Variants in KCNIP4 observed in about 807,000 individuals in gnomAD.
The protein encoded by KCNIP4 is potassium voltage-gated channel interacting protein 4, also known as Kv channel-interacting protein 4.
A neutral mutation model predicts 34.0 loss-of-function variants in KCNIP4; 12 were observed. The ratio of observed to expected loss-of-function variants is 0.35; its 90% CI spans 0.23 to 0.57. KCNIP4 has a LOEUF of 0.57. Ranked by LOEUF, KCNIP4 falls within the 20% of genes least tolerant of loss-of-function variation. The pLI, the probability that KCNIP4 is intolerant of heterozygous loss-of-function variation, is 0.83. For synonymous variants in KCNIP4, 124 were observed against 102.2 expected (o/e 1.21, Z -1.29); for missense variants, 238 against 311.7 (o/e 0.76, Z 1.78).
intron 1 of KCNIP4, among the ~76,000 whole-genome samples, chr4:21,447,169 T>A (rs1459586858): frequency 1.3e-5 from 2 of 152,188 alleles, no homozygotes; most frequent in Non-Finnish European, 2.9e-5. Context: ...TTTATCTTTA[T>A]CTTTAACAGA....
chr4:21,828,017 TA>T (rs35665027), intron 1 of KCNIP4, among the ~76,000 whole-genome samples: 55,053 of 144,248 alleles, frequency 0.38, 11,239 homozygotes, highest in East Asian at 0.65. Context: ...GAGAGTCATG[TA>T]AAAAAAAAAA....
chr4:21,311,506 T>C (rs1713170462), intron 1 of KCNIP4, among the ~76,000 whole-genome samples: 1 of 152,052 alleles, frequency 6.6e-6, no homozygotes. Flanking sequence ...CTGGCCAACA[T>C]GGTGAAACCC....
At chr4:21,335,462 A>G (rs1480611113) in intron 1 of KCNIP4, among the ~76,000 whole-genome samples, 1 of 152,152 alleles carries the variant, frequency 6.6e-6, no homozygotes, top group East Asian at 1.9e-4. Context: ...AATATTGTCT[A>G]TTGCATGCAG....
intron 1 of KCNIP4, among the ~76,000 whole-genome samples, chr4:21,806,944 T>C (rs1721333324): frequency 1.3e-5 from 2 of 152,078 alleles, no homozygotes; most frequent in South Asian, 4.1e-4. Flanking sequence ...TATTACATTA[T>C]ACTATACGAT....
intron 1 of KCNIP4, among the ~76,000 whole-genome samples, chr4:21,887,608 A>G (rs903168500): frequency 5.9e-5 from 9 of 152,174 alleles, no homozygotes; most frequent in African/African-American, 1.2e-4. Flanking sequence ...TTTCAGACAC[A>G]GAAACTTACG....
At chr4:21,205,491 C>G (rs752914047) in intron 1 of KCNIP4, among the ~76,000 whole-genome samples, 1 of 152,174 alleles carries the variant, frequency 6.6e-6, no homozygotes, top group Non-Finnish European at 1.5e-5. Flanking sequence ...GGCACTGTGA[C>G]TAGACCCGTT....
intron 3 of KCNIP4, among the ~76,000 whole-genome samples, chr4:20,770,523 T>C (rs1444129353): frequency 1.3e-5 from 2 of 151,332 alleles, no homozygotes; most frequent in African/African-American, 4.8e-5. Context: ...AAACACGCAG[T>C]GTTTCAATCA....
chr4:21,255,342 T>C lies in KCNIP4; in HGVS notation c.62-372633A>G, dbSNP rs149527839. 1.4e-3 allele frequency among the ~76,000 whole-genome samples: 217 copies of C among 152,308 alleles called. 1 individual carries two copies. Among genetic ancestry groups the C allele is most frequent in the African/African-American group, 4.9e-3 (203 of 41,568 alleles). On this transcript the variant is annotated intron_variant, in intron 1 of 8. Transcript: ENST00000382152. ...TAAAAGCCGTGTTGCTTCTTCTTTCTTAAATATTATCTTATACCTATCCTT... is the reference window on the plus strand; with the variant it reads ...TAAAAGCCGTGTTGCTTCTTCTTTCCTAAATATTATCTTATACCTATCCTT...
intron 1 of KCNIP4, chr4:21,848,208 G>A (rs1724147331): frequency 6.6e-6 from 1 of 152,194 alleles, no homozygotes; most frequent in Admixed American, 6.5e-5. Context: ...ACCCTGAAAA[G>A]CCCATGGCAC....
intron 1 of KCNIP4, among the ~76,000 whole-genome samples, chr4:21,087,068 C>T (rs1247508070): frequency 1.3e-5 from 2 of 151,370 alleles, no homozygotes; most frequent in East Asian, 1.9e-4. Context: ...CAACCTCCAC[C>T]TCCCTGATTC....
At chr4:21,729,300 T>C (rs1715419276) in intron 1 of KCNIP4, among the ~76,000 whole-genome samples, 1 of 152,186 alleles carries the variant, frequency 6.6e-6, no homozygotes. Flanking sequence ...TTAGAAACAC[T>C]TTTGCATTCA....
intron 3 of KCNIP4, among the ~76,000 whole-genome samples, chr4:20,820,815 C>T (rs1467704856): frequency 6.6e-6 from 1 of 152,180 alleles, no homozygotes; most frequent in African/African-American, 2.4e-5. Context: ...CCACCCATTC[C>T]AGTGCAGTGC....
At chr4:20,907,197 G>A (rs1727858098) in intron 1 of KCNIP4, among the ~76,000 whole-genome samples, 1 of 152,128 alleles carries the variant, frequency 6.6e-6, no homozygotes, top group Non-Finnish European at 1.5e-5. Flanking sequence ...TTATGATAAT[G>A]GAAACTGAGC....
intron 1 of KCNIP4, among the ~76,000 whole-genome samples, chr4:21,669,536 C>G (rs917778361): frequency 6.6e-6 from 1 of 152,132 alleles, no homozygotes; most frequent in Non-Finnish European, 1.5e-5. Context: ...AGCAGACAAC[C>G]AGTAGTTAAG....
At chr4:21,150,070 G>A (rs898874556) in intron 1 of KCNIP4, among the ~76,000 whole-genome samples, 7 of 152,086 alleles carry the variant, frequency 4.6e-5, no homozygotes, top group Admixed American at 2.6e-4. Flanking sequence ...TGCCTGTCAC[G>A]GTCAGTACGT....
chr4:21,531,200 CT>C (rs1015444087), intron 1 of KCNIP4, among the ~76,000 whole-genome samples: 5 of 152,100 alleles, frequency 3.3e-5, no homozygotes, highest in African/African-American at 7.2e-5. Context: ...GAAAACCAAC[CT>C]GCTTATCTTG....
chr4:21,865,622 C>T (rs1420814635), intron 1 of KCNIP4, among the ~76,000 whole-genome samples: 6 of 151,772 alleles, frequency 4.0e-5, no homozygotes, highest in Non-Finnish European at 8.8e-5. Context: ...CGGCTCACTG[C>T]AACCTCCGCC....
intron 1 of KCNIP4, among the ~76,000 whole-genome samples, chr4:21,534,520 C>T (rs564792009): frequency 1.3e-5 from 2 of 152,168 alleles, no homozygotes; most frequent in South Asian, 4.2e-4. Flanking sequence ...AGTGATAGTG[C>T]CCATATTGAA....
intron 1 of KCNIP4, among the ~76,000 whole-genome samples, chr4:21,326,829 G>A (rs1032126059): frequency 1.3e-5 from 2 of 151,270 alleles, no homozygotes; most frequent in African/African-American, 4.9e-5. Flanking sequence ...TTTGATTTGA[G>A]GTTACTATGA....
Sources: allele counts gnomAD v4.1 joint callset (sites outside exome capture counted in the v4.1 genomes callset), GRCh38; gene constraint gnomAD v4.1.1; transcripts MANE v1.5; gene names NCBI Gene and HGNC (gene_info 2026-07-23, HGNC 2026-07-21).